SPAG16: variants seen among roughly 807,000 people sequenced by gnomAD.
SPAG16 encodes the protein sperm associated antigen 16, also known as sperm-associated antigen 16 protein.
SPAG16 carries 86 observed loss-of-function variants against 80.4 expected under a neutral mutation model. That is an observed-to-expected ratio of 1.07 (90% CI 0.90 to 1.28). The LOEUF is 1.28. SPAG16 is among the 50% of genes most tolerant of loss of function. The probability of loss-of-function intolerance (pLI) is 0.00; values close to 1 mark genes in which losing one functional copy is unlikely to be tolerated. For missense variants in SPAG16, 870 were observed against 765.3 expected (o/e 1.14, Z -1.61); for synonymous variants, 294 against 265.9 (o/e 1.11, Z -1.03).
chr2:213,500,987 G>T (rs1273521406), intron 10 of SPAG16, among the ~76,000 whole-genome samples: 2 of 152,116 alleles, frequency 1.3e-5, no homozygotes, highest in Admixed American at 6.5e-5. Context: ...TCTTGGTGAG[G>T]GTAGAGACCG....
chr2:213,396,341 C>T (rs2068031778), intron 9 of SPAG16, among the ~76,000 whole-genome samples: 1 of 152,104 alleles, frequency 6.6e-6, no homozygotes, highest in Non-Finnish European at 1.5e-5. Flanking sequence ...TTTATCTCCC[C>T]ACATATTTGG....
intron 13 of SPAG16, among the ~76,000 whole-genome samples, chr2:214,083,225 T>C (rs2051500890): frequency 6.6e-6 from 1 of 152,148 alleles, no homozygotes; most frequent in Non-Finnish European, 1.5e-5. Flanking sequence ...GAAGAATACT[T>C]GAGACCTCTT....
chr2:214,297,889 T>G (rs1694249118), intron 15 of SPAG16, among the ~76,000 whole-genome samples: 1 of 151,446 alleles, frequency 6.6e-6, no homozygotes, highest in Admixed American at 6.6e-5. Flanking sequence ...AAAATGACAT[T>G]AGTAATTTGA....
intron 5 of SPAG16, 90 bp downstream of exon 5, chr2:213,317,446 C>G (rs868086743): frequency 8.7e-6 from 12 of 1,379,230 alleles, no homozygotes; most frequent in African/African-American, 5.8e-5. Flanking sequence ...TATACCAGAG[C>G]CTTAATTTTT....
chr2:213,680,647 A>G (rs916312394), intron 10 of SPAG16, among the ~76,000 whole-genome samples: 5 of 152,130 alleles, frequency 3.3e-5, no homozygotes, highest in African/African-American at 1.2e-4. Context: ...TCTTCCTAAT[A>G]ATTGTCAACA....
At position 214,101,028 on chromosome 2, in the gene SPAG16, C is replaced by T. The variant is rs574164589; in HGVS notation, c.1528-7168C>T. Among the ~76,000 whole-genome samples, 33 of 152,132 alleles carry T rather than the reference C, an allele frequency of 2.2e-4. 1 individual carries two copies. In the South Asian group the frequency reaches 6.4e-3, roughly 30 times the overall value. ...GAAAGGAAATTCATAAGCATTAGCA[C>T]TTTAATGATTTTAGTGATAATATGC... On this transcript the variant is annotated intron_variant, in intron 13 of 15. Transcript: ENST00000331683.
intron 15 of SPAG16, among the ~76,000 whole-genome samples, chr2:214,388,341 C>A (rs2126122203): frequency 6.6e-6 from 1 of 152,114 alleles, no homozygotes; most frequent in South Asian, 2.1e-4. Context: ...AGGGCCTATA[C>A]AAGTGAGGGG....
In SPAG16 at chr2:213,747,631, A is replaced by T. The variant is rs141683349; in HGVS notation, c.1071-114854A>T. Among the ~76,000 whole-genome samples the T allele has an allele frequency of 2.3e-3, 350 of 152,354 alleles. 2 individuals are homozygous for T. The Middle Eastern group carries it at 0.041, about 18-fold the overall frequency. ...TATCGCTACAATATTCGGTATGGTA[A>T]CATGCTATACAGGTTTGTAGGCTAG... On this transcript the variant is annotated intron_variant, in intron 10 of 15. Transcript: ENST00000331683.
chr2:213,882,514 T>G (rs896664336), intron 11 of SPAG16, among the ~76,000 whole-genome samples: 2 of 152,228 alleles, frequency 1.3e-5, no homozygotes, highest in African/African-American at 4.8e-5. Flanking sequence ...GATTTTAATC[T>G]GTTCCTGGTT....
chr2:213,735,174 G>A (rs572976585), intron 10 of SPAG16, among the ~76,000 whole-genome samples: 1 of 152,114 alleles, frequency 6.6e-6, no homozygotes, highest in East Asian at 1.9e-4. Flanking sequence ...TAATAATAAT[G>A]GTTATCTTTT....
chr2:214,150,411 G>A (rs1199897255), intron 15 of SPAG16, among the ~76,000 whole-genome samples: 1 of 151,816 alleles, frequency 6.6e-6, no homozygotes, highest in Non-Finnish European at 1.5e-5. Context: ...GACATTTATG[G>A]TCTGCCAGAA....
At chr2:213,915,401 T>C (rs1351079415) in intron 11 of SPAG16, among the ~76,000 whole-genome samples, 1 of 152,118 alleles carries the variant, frequency 6.6e-6, no homozygotes, top group East Asian at 1.9e-4. Context: ...GTTCCTGTTT[T>C]AGTGTGCTGA....
At chr2:213,702,392 C>G (rs1032932350) in intron 10 of SPAG16, among the ~76,000 whole-genome samples, 1 of 152,166 alleles carries the variant, frequency 6.6e-6, no homozygotes, top group Non-Finnish European at 1.5e-5. Flanking sequence ...CTGTTTGGGT[C>G]CATGCAGCAT....
At chr2:214,070,194 T>G (rs2050724061) in intron 13 of SPAG16, among the ~76,000 whole-genome samples, 1 of 152,038 alleles carries the variant, frequency 6.6e-6, no homozygotes, top group African/African-American at 2.4e-5. Flanking sequence ...TTTTTATACT[T>G]GTAATGCATA....
In SPAG16 at chr2:214,402,689, G is replaced by A. The variant is rs981110932; in HGVS notation, c.1721-7451G>A. Among the ~76,000 whole-genome samples, 5 of 151,888 alleles carry A rather than the reference G, an allele frequency of 3.3e-5. No homozygotes were observed. In the South Asian group the frequency reaches 6.2e-4, roughly 19 times the overall value. On this transcript the variant is annotated intron_variant, in intron 15 of 15. Transcript: ENST00000331683. ...TAATATAAAATACTTACCTAAAGATGTGGAAGTGTTTTTTCTGCCCACTAA... is the reference window on the plus strand; with the variant it reads ...TAATATAAAATACTTACCTAAAGATATGGAAGTGTTTTTTCTGCCCACTAA...
intron 15 of SPAG16, among the ~76,000 whole-genome samples, chr2:214,384,771 G>A (rs542821499): frequency 6.6e-6 from 1 of 152,314 alleles, no homozygotes; most frequent in African/African-American, 2.4e-5. Context: ...GCATATGGCT[G>A]CTGCTTCAAG....
At chr2:214,026,144 C>A (rs1291980113) in intron 13 of SPAG16, among the ~76,000 whole-genome samples, 1 of 151,454 alleles carries the variant, frequency 6.6e-6, no homozygotes, top group Non-Finnish European at 1.5e-5. Context: ...TAACAGCAAA[C>A]CATACTTAGC....
At chr2:213,907,807 G>C (rs796113743) in intron 11 of SPAG16, among the ~76,000 whole-genome samples, 4 of 152,200 alleles carry the variant, frequency 2.6e-5, no homozygotes, top group African/African-American at 9.6e-5. Flanking sequence ...TCTCTCATGT[G>C]GGAGCTAAAA....
intron 13 of SPAG16, among the ~76,000 whole-genome samples, chr2:214,054,673 A>G (rs988642706): frequency 2.0e-5 from 3 of 152,162 alleles, no homozygotes; most frequent in Non-Finnish European, 4.4e-5. Flanking sequence ...GACTTCTTAC[A>G]GAGAATCCAT....
Sources: allele counts gnomAD v4.1 joint callset (sites outside exome capture counted in the v4.1 genomes callset), GRCh38; gene constraint gnomAD v4.1.1; transcripts MANE v1.5; gene names NCBI Gene and HGNC (gene_info 2026-07-23, HGNC 2026-07-21).